Variants in DCDC2 observed in about 807,000 individuals in gnomAD.
DCDC2 encodes the protein doublecortin domain-containing protein 2.
DCDC2 carries 40 observed loss-of-function variants against 50.2 expected under a neutral mutation model. The observed-to-expected ratio is 0.80, with a 90% CI of 0.62 to 1.04. The LOEUF (loss-of-function observed/expected upper bound fraction) is 1.04, where lower values mean the gene tolerates loss of function less well. Among genes scored for constraint, DCDC2 ranks in the 50% least tolerant of loss-of-function variants. DCDC2 has a pLI of 0.00. For synonymous variants in DCDC2, 234 were observed against 210.6 expected (o/e 1.11, Z -0.96); for missense variants, 570 against 581.9 (o/e 0.98, Z 0.21).
chr6:24,210,048 G>GTC lies in DCDC2; in HGVS notation c.923-4947_923-4946insGA, dbSNP rs1554145327. 2.9e-4 allele frequency among the ~76,000 whole-genome samples: 40 copies of GTC among 137,324 alleles called. 1 individual carries two copies. Among genetic ancestry groups the GTC allele is most frequent in the African/African-American group, 1.0e-3 (34 of 33,326 alleles). The allele number at this position is 137,324 out of a possible 152,430, so 90.1% of individuals were successfully genotyped here. On this transcript the variant is annotated intron_variant, in intron 7 of 9. Coordinates refer to ENST00000378454, the MANE Select transcript of DCDC2 (RefSeq NM_016356.5). Reference sequence around the variant, plus strand: ...TGTGTGTGTGTGTGTGTGTGTGTGTGTGTGTGTCTGTCTGTCTGTCTGTCT... The same window carrying GTC: ...TGTGTGTGTGTGTGTGTGTGTGTGTGTCTGTGTGTCTGTCTGTCTGTCTGTCT...
At chr6:24,317,004 G>C (rs2113848984) in intron 2 of DCDC2, among the ~76,000 whole-genome samples, 1 of 152,036 alleles carries the variant, frequency 6.6e-6, no homozygotes, top group African/African-American at 2.4e-5. Flanking sequence ...GAGAGAGAGA[G>C]AGAGAGACAA....
the DCDC2 span, among the ~76,000 whole-genome samples, chr6:24,374,528 C>T: frequency 7.7e-6 from 1 of 129,562 alleles, no homozygotes; most frequent in Non-Finnish European, 1.5e-5. Flanking sequence ...TGCAGTGAAC[C>T]AGATCAGGCC....
At chr6:24,347,396 T>C (rs2753912) in intron 2 of DCDC2, among the ~76,000 whole-genome samples, 67,733 of 151,900 alleles carry the variant, frequency 0.45, 17,603 homozygotes, top group Admixed American at 0.55. Context: ...ACAATAAATA[T>C]AGTCAGCCCT....
chr6:24,305,328 T>A (rs2093569493), intron 2 of DCDC2, among the ~76,000 whole-genome samples: 1 of 152,220 alleles, frequency 6.6e-6, no homozygotes, highest in Non-Finnish European at 1.5e-5. Context: ...AAACTAATCT[T>A]AAAGTTATAT....
intron 8 of DCDC2, among the ~76,000 whole-genome samples, chr6:24,195,116 A>G (rs1761403862): frequency 6.6e-6 from 1 of 152,148 alleles, no homozygotes; most frequent in African/African-American, 2.4e-5. Context: ...ATCAAGGACT[A>G]TGGAAGGTCT....
rs1760856806 is a variant in DCDC2, at chr6:24,174,534, A to G, written c.*196T>C. The stretch of plus-strand genomic sequence containing the variant: ...TCTATATGACTTTTAAAACACATGC[A>G]ATAAAAGTAAGTAATTATCCTTTAG... On this transcript the variant is annotated 3_prime_UTR_variant, in exon 10 of 10. Transcript: ENST00000378454. The G allele has an allele frequency of 2.3e-6, 1 of 428,098 alleles. No individual in the cohort carries two copies. Among genetic ancestry groups the G allele is most frequent in the Non-Finnish European group, 4.2e-6 (1 of 240,140 alleles). 26.5% of individuals were successfully genotyped at this position (428,098 alleles called of 1,614,324 possible).
the DCDC2 span, among the ~76,000 whole-genome samples, chr6:24,364,061 T>C: frequency 6.6e-6 from 1 of 152,134 alleles, no homozygotes; most frequent in African/African-American, 2.4e-5. Context: ...TTAAAATCCC[T>C]TTGGATGTAC....
chr6:24,192,572 A>C lies in DCDC2; in HGVS notation c.1023+12430T>G, dbSNP rs962864291. Among the ~76,000 whole-genome samples the C allele has an allele frequency of 5.3e-5, 8 of 152,302 alleles. No individual in the cohort carries two copies. In the East Asian group the frequency reaches 1.3e-3, roughly 26 times the overall value. On this transcript the variant is annotated intron_variant, in intron 8 of 9. Coordinates refer to ENST00000378454, the MANE Select transcript of DCDC2 (RefSeq NM_016356.5). ...ATAATAGAACATCAATCCTCAGAGA[A>C]GAGGGAAGATATCACATTTATAAAA...
At chr6:24,258,089 G>T (rs557226568) in intron 7 of DCDC2, among the ~76,000 whole-genome samples, 13 of 152,228 alleles carry the variant, frequency 8.5e-5, no homozygotes, top group Non-Finnish European at 1.0e-4. Flanking sequence ...GGGTTCCTTC[G>T]GGTGGGTTCG....
At chr6:24,359,455 T>TTATATATACTATATAGTATATATATTTA (rs1760614368), upstream of DCDC2, among the ~76,000 whole-genome samples, 1 of 54,014 alleles carries the variant, frequency 1.9e-5, no homozygotes, top group African/African-American at 7.5e-5. Context: ...GTATATATAT[T>TTATATATACTATATAGTATATATATTTA]TATATATACT....
At chr6:24,280,891 C>T (rs1419989413) in intron 6 of DCDC2, among the ~76,000 whole-genome samples, 1 of 152,030 alleles carries the variant, frequency 6.6e-6, no homozygotes, top group Non-Finnish European at 1.5e-5. Context: ...TTTCACACGC[C>T]GTTAGCAAGC....
chr6:24,343,951 C>T (rs1760207703), intron 2 of DCDC2, among the ~76,000 whole-genome samples: 2 of 152,166 alleles, frequency 1.3e-5, no homozygotes, highest in South Asian at 4.1e-4. Flanking sequence ...TATCACCTCA[C>T]ATATTTATCA....
chr6:24,175,702 T>G (rs1185009926), intron 9 of DCDC2, among the ~76,000 whole-genome samples: 2 of 152,214 alleles, frequency 1.3e-5, no homozygotes, highest in Non-Finnish European at 2.9e-5. Flanking sequence ...TTCTCTGTAT[T>G]TCCTGGTATT....
At chr6:24,250,415 T>A (rs1409407427) in intron 7 of DCDC2, among the ~76,000 whole-genome samples, 1 of 152,218 alleles carries the variant, frequency 6.6e-6, no homozygotes, top group African/African-American at 2.4e-5. Flanking sequence ...GTGGGCCTGC[T>A]GTGCTTAAAC....
chr6:24,204,143 A>G (rs190678471), intron 8 of DCDC2, among the ~76,000 whole-genome samples: 20 of 152,180 alleles, frequency 1.3e-4, no homozygotes, highest in African/African-American at 4.8e-4. Context: ...CTGGGTATAT[A>G]CCTGAAGGAT....
intron 4 of DCDC2, among the ~76,000 whole-genome samples, chr6:24,294,435 T>C (rs1763817546): frequency 6.6e-6 from 1 of 151,302 alleles, no homozygotes; most frequent in Middle Eastern, 3.2e-3. Context: ...ACAAACCAAC[T>C]CCAGAGCTAG....
Position 24,266,135 on chromosome 6 carries a change from A to T in DCDC2, c.922+11914T>A, listed in dbSNP as rs1053983260. 3.9e-5 allele frequency among the ~76,000 whole-genome samples: 6 copies of T among 152,300 alleles called. No individual in the cohort carries two copies. In the East Asian group the frequency reaches 9.6e-4, roughly 24 times the overall value. On this transcript the variant is annotated intron_variant, in intron 7 of 9. Transcript: ENST00000378454. ...ATAAATGGTGCTGGGAAAACTGGAT[A>T]TCCATATGCAAAAGAATGAAATTGG...
rs1359945723 is a variant in DCDC2, at chr6:24,291,072, A to G, written c.564T>C (p.Tyr188=). The G allele has an allele frequency of 1.2e-6, 2 of 1,608,794 alleles. No homozygotes were observed. The highest frequency in any genetic ancestry group is 2.7e-5 in the African/African-American group (2 of 74,732). ...TLRSGAVHRL[Y]TLEGKLVESG... is the part of the protein sequence containing the mutation. ...TCTCAACAAGTTTTCCTTCTAAAGTATAAAGCCTGTCGAAAATATGAACAC... is the reference window on the plus strand; with the variant it reads ...TCTCAACAAGTTTTCCTTCTAAAGTGTAAAGCCTGTCGAAAATATGAACAC... The change falls in exon 5 of 10, where the codon TAT becomes TAC. Residue 188 remains tyrosine (Y), a synonymous_variant. Transcript: ENST00000378454.
chr6:24,204,695 C>T (rs1467125984), intron 8 of DCDC2, among the ~76,000 whole-genome samples: 1 of 152,114 alleles, frequency 6.6e-6, no homozygotes, highest in Non-Finnish European at 1.5e-5. Context: ...AACCAATACT[C>T]TTTTTTATAT....
Sources: gnomAD v4.1 joint callset for allele counts (sites outside exome capture counted in the v4.1 genomes callset) on GRCh38, gnomAD v4.1.1 for gene constraint, MANE v1.5 for transcripts, NCBI Gene and HGNC (gene_info 2026-07-23, HGNC 2026-07-21) for gene names.